Variants in PAQR8 observed in about 807,000 individuals in gnomAD.
PAQR8 encodes the protein progestin and adipoQ receptor family member 8.
In PAQR8, 17 loss-of-function variants were observed where a neutral mutation model predicts 25.2. The observed-to-expected ratio is 0.67, with a 90% CI of 0.46 to 1.01. The LOEUF is 1.01. Ranked by LOEUF, PAQR8 falls within the 50% of genes least tolerant of loss-of-function variation. The pLI is 0.00. For missense variants in PAQR8, 392 were observed against 448.4 expected (o/e 0.87, Z 1.14); for synonymous variants, 204 against 190.6 (o/e 1.07, Z -0.58).
chr6:52,381,275 C>T (rs921672599), intron 1 of PAQR8, among the ~76,000 whole-genome samples: 1 of 152,194 alleles, frequency 6.6e-6, no homozygotes, highest in Non-Finnish European at 1.5e-5. Context: ...TCTCTAAGTC[C>T]TTTCTACACT....
rs1763892320 is a variant in PAQR8, at chr6:52,405,083, A to G, written c.*805A>G. The G allele has an allele frequency of 6.0e-6, 1 of 167,174 alleles. No individual in the cohort carries two copies. Among genetic ancestry groups the G allele is most frequent in the East Asian group, 1.9e-4 (1 of 5,206 alleles). The allele number at this position is 167,174 out of a possible 1,614,324, so 10.4% of individuals were successfully genotyped here. On this transcript the variant is annotated 3_prime_UTR_variant, in exon 2 of 2. Coordinates refer to ENST00000442253, the MANE Select transcript of PAQR8 (RefSeq NM_133367.5). Reference sequence around the variant, plus strand: ...CCAATAAGCATAGATACTATATGGTATCATGGGACCCATCTATTTTTTACC... The same window carrying G: ...CCAATAAGCATAGATACTATATGGTGTCATGGGACCCATCTATTTTTTACC...
intron 1 of PAQR8, among the ~76,000 whole-genome samples, chr6:52,401,926 C>T (rs549254711): frequency 9.9e-5 from 15 of 152,270 alleles, no homozygotes; most frequent in African/African-American, 3.6e-4. Flanking sequence ...TCGAGAAAAG[C>T]CCATATCCTT....
intron 1 of PAQR8, among the ~76,000 whole-genome samples, chr6:52,382,723 C>T (rs568488848): frequency 1.1e-4 from 17 of 152,200 alleles, no homozygotes; most frequent in African/African-American, 3.9e-4. Context: ...ATGAAAACCA[C>T]CCACAATGCA....
Position 52,362,927 on chromosome 6 carries a change from A to G in PAQR8, c.-53+678A>G, listed in dbSNP as rs537458419. ...CGGAGTTGTGATGGGAACCGCCGGC[A>G]GCTGGCTAATGGGCGGATGCTGGGG... On this transcript the variant is annotated intron_variant, in intron 1 of 1. Transcript: ENST00000442253. The surrounding 1 kb of genome is among the most constrained non-coding windows in gnomAD (Gnocchi z 4.1). Among the ~76,000 whole-genome samples, 1 of 152,076 alleles carries G rather than the reference A, an allele frequency of 6.6e-6. No individual in the cohort carries two copies. Among genetic ancestry groups the G allele is most frequent in the Non-Finnish European group, 1.5e-5 (1 of 68,012 alleles).
At chr6:52,387,120 A>G (rs1191635170) in intron 1 of PAQR8, among the ~76,000 whole-genome samples, 1 of 152,094 alleles carries the variant, frequency 6.6e-6, no homozygotes, top group African/African-American at 2.4e-5. Flanking sequence ...TACTACTTCT[A>G]ATTACAGAAA....
intron 1 of PAQR8, among the ~76,000 whole-genome samples, chr6:52,391,513 C>T (rs897607049): frequency 5.9e-5 from 9 of 152,302 alleles, no homozygotes; most frequent in East Asian, 1.9e-4. Context: ...CAGGATTGCA[C>T]TGGTAGTGCC....
At chr6:52,399,191 T>G (rs1023188219) in intron 1 of PAQR8, among the ~76,000 whole-genome samples, 1 of 152,248 alleles carries the variant, frequency 6.6e-6, no homozygotes, top group African/African-American at 2.4e-5. Flanking sequence ...CTTCCTAGTT[T>G]ATTTTCTGAA....
In PAQR8 at chr6:52,403,705, C is replaced by G; in HGVS notation, c.492C>G (p.Phe164Leu). 1 of 1,614,246 alleles carries G rather than the reference C, an allele frequency of 6.2e-7. No homozygotes were observed. The highest frequency in any genetic ancestry group is 1.1e-5 in the South Asian group (1 of 91,086). ...YQYGSALAHFFYSSDQAWYDR... is the reference protein window; with the variant it reads ...YQYGSALAHFLYSSDQAWYDR... ...ATGGCAGTGCTTTGGCTCATTTCTT[C>G]TACAGCTCTGACCAGGCCTGGTATG... Residue 164 changes from phenylalanine to leucine, a missense_variant, in exon 2 of 2, where the codon TTC becomes TTG. Physicochemically the swap from Phe to Leu is conservative, Grantham distance 22 (BLOSUM62 0). Transcript: ENST00000442253.
intron 1 of PAQR8, among the ~76,000 whole-genome samples, chr6:52,401,170 C>A (rs1763825047): frequency 6.6e-6 from 1 of 152,126 alleles, no homozygotes; most frequent in Non-Finnish European, 1.5e-5. Context: ...CACTTTTTTA[C>A]CTGATTAGGT....
intron 1 of PAQR8, among the ~76,000 whole-genome samples, chr6:52,371,208 A>T (rs1763415933): frequency 6.6e-6 from 1 of 152,154 alleles, no homozygotes; most frequent in Admixed American, 6.5e-5. Flanking sequence ...GTAAAATTTT[A>T]GATTAGCTCG....
intron 1 of PAQR8, among the ~76,000 whole-genome samples, chr6:52,374,537 G>T (rs778641667): frequency 1.3e-5 from 2 of 152,086 alleles, no homozygotes; most frequent in African/African-American, 4.8e-5. Flanking sequence ...TTTCAGCCTT[G>T]TTATTAGGTA....
In PAQR8 at chr6:52,397,254, C is replaced by T. The variant is rs376064336; in HGVS notation, c.-52-5908C>T. ...TCCACTGCACCTAGCCCACTCCCTTCCTCATTACTCCCCAGTAGCCCCTCT... is the reference window on the plus strand; with the variant it reads ...TCCACTGCACCTAGCCCACTCCCTTTCTCATTACTCCCCAGTAGCCCCTCT... On this transcript the variant is annotated intron_variant, in intron 1 of 1. Transcript: ENST00000442253. Among the ~76,000 whole-genome samples the T allele has an allele frequency of 3.3e-5, 5 of 152,282 alleles. No individual in the cohort carries two copies. In the South Asian group the frequency reaches 8.3e-4, roughly 25 times the overall value.
chr6:52,371,176 T>G (rs1030144139), intron 1 of PAQR8, among the ~76,000 whole-genome samples: 3 of 151,824 alleles, frequency 2.0e-5, no homozygotes, highest in Middle Eastern at 6.8e-3. Context: ...GAGTGCCAGT[T>G]TTAGGTAAGG....
chr6:52,363,471 C>T (rs1012480948), intron 1 of PAQR8, among the ~76,000 whole-genome samples: 3 of 152,180 alleles, frequency 2.0e-5, no homozygotes, highest in South Asian at 2.1e-4. Flanking sequence ...AGGGATAACT[C>T]ATACAATACA....
At chr6:52,402,617 C>CAAAAA (rs5876274) in intron 1 of PAQR8, among the ~76,000 whole-genome samples, 43 of 115,842 alleles carry the variant, frequency 3.7e-4, no homozygotes, top group African/African-American at 8.2e-4. Context: ...AACTCTGTCT[C>CAAAAA]AAAAAAAAAA....
At chr6:52,379,133 A>T (rs976478089) in intron 1 of PAQR8, among the ~76,000 whole-genome samples, 3 of 150,602 alleles carry the variant, frequency 2.0e-5, no homozygotes, top group Non-Finnish European at 4.4e-5. Context: ...ATTCTGGCAC[A>T]TGCTATGACA....
intron 1 of PAQR8, among the ~76,000 whole-genome samples, chr6:52,402,289 G>A (rs1409592159): frequency 1.3e-5 from 2 of 151,848 alleles, no homozygotes; most frequent in Non-Finnish European, 2.9e-5. Flanking sequence ...GCTTGAACCC[G>A]GGAGACGGAA....
chr6:52,365,361 C>T (rs1371329849), intron 1 of PAQR8, among the ~76,000 whole-genome samples: 2 of 151,894 alleles, frequency 1.3e-5, no homozygotes, highest in South Asian at 2.1e-4. Flanking sequence ...CTTCATACAG[C>T]CACAGCTTGA....
intron 1 of PAQR8, among the ~76,000 whole-genome samples, chr6:52,364,792 A>C (rs899594147): frequency 1.3e-5 from 2 of 152,346 alleles, no homozygotes; most frequent in African/African-American, 2.4e-5. Context: ...GCATTTAGTA[A>C]TGGCATGGAG....
Sources: allele counts gnomAD v4.1 joint callset (sites outside exome capture counted in the v4.1 genomes callset), GRCh38; gene constraint gnomAD v4.1.1; non-coding constraint Gnocchi (gnomAD v3.1); transcripts MANE v1.5; gene names NCBI Gene and HGNC (gene_info 2026-07-23, HGNC 2026-07-21).